DPF3: variants seen among roughly 807,000 people sequenced by gnomAD.
DPF3 encodes double PHD fingers 3.
A neutral mutation model predicts 56.8 loss-of-function variants in DPF3; 18 were observed. The ratio of observed to expected loss-of-function variants is 0.32; its 90% confidence interval spans 0.22 to 0.47. DPF3 has a LOEUF of 0.47. Ranked by LOEUF, DPF3 falls within the 20% of genes least tolerant of loss-of-function variation. The pLI is 1.00. For synonymous variants in DPF3, 188 were observed against 180.2 expected, an observed-to-expected ratio of 1.04 and a Z score of -0.35; for missense variants, 403 against 488.8, an observed-to-expected ratio of 0.82 and a Z score of 1.65.
At chr14:72,651,418 C>T (rs982715999) in intron 8 of DPF3, among the ~76,000 whole-genome samples, 2 of 152,186 alleles carry the variant, frequency 1.3e-5, no homozygotes, top group Non-Finnish European at 2.9e-5. Flanking sequence ...TTCCCAGCCT[C>T]TTAGGAGGGA....
chr14:72,716,198 G>A (rs1374858291), intron 5 of DPF3, among the ~76,000 whole-genome samples: 1 of 152,064 alleles, frequency 6.6e-6, no homozygotes, highest in African/African-American at 2.4e-5. Context: ...GGATGTACGA[G>A]GGCTTCTGGG....
At chr14:72,685,069 T>C (rs997401096) in intron 7 of DPF3, among the ~76,000 whole-genome samples, 1 of 152,230 alleles carries the variant, frequency 6.6e-6, no homozygotes, top group Non-Finnish European at 1.5e-5. Flanking sequence ...TCCAGAATTG[T>C]GAGAAATAAA....
intron 1 of DPF3, among the ~76,000 whole-genome samples, chr14:72,794,634 C>G (rs1018561068): frequency 2.0e-5 from 3 of 152,192 alleles, no homozygotes; most frequent in East Asian, 3.9e-4. Context: ...GGAGGAGGAG[C>G]CTTAGCAGGT....
chr14:72,858,790 T>C (rs1885269122), intron 1 of DPF3, among the ~76,000 whole-genome samples: 1 of 152,228 alleles, frequency 6.6e-6, no homozygotes, highest in South Asian at 2.1e-4. Context: ...GACATTTGCA[T>C]GGAGAGGTAT....
At chr14:72,741,010 G>C (rs1034069342) in intron 3 of DPF3, among the ~76,000 whole-genome samples, 5 of 152,078 alleles carry the variant, frequency 3.3e-5, no homozygotes, top group Non-Finnish European at 7.4e-5. Flanking sequence ...TTCAAATATA[G>C]CCTAAGGAAC....
chr14:72,727,577 A>C (rs531687248), intron 4 of DPF3, among the ~76,000 whole-genome samples: 1 of 145,776 alleles, frequency 6.9e-6, no homozygotes, highest in Non-Finnish European at 1.5e-5. Flanking sequence ...CTCCATCTCA[A>C]AAAAAAAAAA....
intron 7 of DPF3, among the ~76,000 whole-genome samples, chr14:72,692,175 C>T (rs1366852997): frequency 1.3e-5 from 2 of 152,222 alleles, no homozygotes; most frequent in East Asian, 1.9e-4. Flanking sequence ...ATCCCTTTCA[C>T]TGCATTGAGT....
chr14:72,787,666 C>T (rs1055220507), intron 1 of DPF3, among the ~76,000 whole-genome samples: 1 of 152,164 alleles, frequency 6.6e-6, no homozygotes, highest in Non-Finnish European at 1.5e-5. Context: ...TCAAAAGCGC[C>T]CTTGCTTGGC....
Position 72,612,701 on chromosome 14 carries a change from T to A in DPF3, c.*6596A>T. On this transcript the variant is annotated 3_prime_UTR_variant, in exon 11 of 11. Coordinates refer to ENST00000556509, the MANE Select transcript of DPF3 (RefSeq NM_001280542.3). ...AACCCCATTCTAGCCATAAAAGCTT[T>A]GCATCCCTTTGATAGCAGAATTGAG... The A allele has an allele frequency of 2.1e-6, 1 of 471,564 alleles. No individual in the cohort carries two copies. The highest frequency in any genetic ancestry group is 4.3e-6 in the Non-Finnish European group (1 of 233,758). The allele number at this position is 471,564 out of a possible 1,614,324, so 29.2% of individuals were successfully genotyped here. A position where few individuals can be genotyped will look rare whatever the true frequency, so the allele number is the denominator to read the frequency against.
chr14:72,802,993 C>T (rs1892947291), intron 1 of DPF3, among the ~76,000 whole-genome samples: 1 of 152,224 alleles, frequency 6.6e-6, no homozygotes, highest in Admixed American at 6.5e-5. Context: ...CACCTGTGCC[C>T]ACCTCTCCAC....
rs1883842225 is a variant in DPF3, at chr14:72,612,998, G to A, written c.*6299C>T. 2.1e-5 allele frequency among the ~76,000 whole-genome samples: 1 copy of A among 47,768 alleles called. No homozygotes were observed. The highest frequency in any genetic ancestry group is 4.7e-5 in the Non-Finnish European group (1 of 21,288). 31.3% of individuals were successfully genotyped at this position (47,768 alleles called of 152,430 possible). On this transcript the variant is annotated 3_prime_UTR_variant, in exon 11 of 11. Transcript: ENST00000556509. ...CTTTGGTTCATTAAGTAGGGCGTGT[G>A]TGTGTGTGTGTGTGTGTGTGTGTGT...
chr14:72,672,912 G>T (rs1026108763), intron 8 of DPF3, among the ~76,000 whole-genome samples: 3 of 151,672 alleles, frequency 2.0e-5, no homozygotes, highest in Non-Finnish European at 4.4e-5. Context: ...AATTTCATCT[G>T]TTTTTTTTAA....
At chr14:72,690,650 G>GAC (rs1454156431) in intron 7 of DPF3, among the ~76,000 whole-genome samples, 2 of 151,280 alleles carry the variant, frequency 1.3e-5, no homozygotes, top group South Asian at 2.1e-4. Context: ...CACACGCATA[G>GAC]ACACACACAC....
rs1422525088 is a variant in DPF3, at chr14:72,859,478, C to T, written c.32+34579G>A. Among the ~76,000 whole-genome samples, 29 of 109,182 alleles carry T rather than the reference C, an allele frequency of 2.7e-4. 1 individual carries two copies. The highest frequency in any genetic ancestry group is 1.3e-3 in the South Asian group (3 of 2,354). 71.6% of individuals were successfully genotyped at this position (109,182 alleles called of 152,430 possible). On this transcript the variant is annotated intron_variant, in intron 1 of 10. Coordinates refer to ENST00000556509, the MANE Select transcript of DPF3 (RefSeq NM_001280542.3). ...GTTCTCTGCAGCTTCCTCCCCCCCC[C>T]CCCCCACACCATTCCCCCCTAACCT...
intron 4 of DPF3, among the ~76,000 whole-genome samples, chr14:72,725,320 A>G (rs916423508): frequency 6.6e-6 from 1 of 152,144 alleles, no homozygotes; most frequent in Non-Finnish European, 1.5e-5. Flanking sequence ...AGAGGGTGTT[A>G]GGAGGGAGTT....
intron 1 of DPF3, among the ~76,000 whole-genome samples, chr14:72,866,540 C>T (rs573308934): frequency 6.6e-6 from 1 of 150,660 alleles, no homozygotes; most frequent in East Asian, 1.9e-4. Context: ...TTGGGCAACT[C>T]CTTGGAGTTT....
At chr14:72,786,467 G>T (rs539400957) in intron 1 of DPF3, among the ~76,000 whole-genome samples, 11 of 152,284 alleles carry the variant, frequency 7.2e-5, no homozygotes, top group African/African-American at 2.6e-4. Context: ...TTTATGGGAG[G>T]CAAGCCATGC....
intron 8 of DPF3, chr14:72,662,038 T>G (rs1599335017): frequency 4.4e-5 from 43 of 984,528 alleles, no homozygotes; most frequent in Non-Finnish European, 4.5e-5. Context: ...TTGCCTGGGG[T>G]GAGGGGGCAA....
rs1321181840 is a variant in DPF3, at chr14:72,693,912, C to T, written c.605-699G>A. 2.6e-5 allele frequency among the ~76,000 whole-genome samples: 4 copies of T among 152,258 alleles called. 1 individual carries two copies. The highest frequency in any genetic ancestry group is 4.1e-4 in the South Asian group (2 of 4,832). The stretch of plus-strand genomic sequence containing the variant: ...ACACATGCTGCACTTCTACCATGAA[C>T]GCCATGGAGTTAAAGCATCCTTGGT... On this transcript the variant is annotated intron_variant, in intron 6 of 10. Coordinates refer to ENST00000556509, the MANE Select transcript of DPF3 (RefSeq NM_001280542.3).
Sources: allele counts gnomAD v4.1 joint callset (sites outside exome capture counted in the v4.1 genomes callset), GRCh38; gene constraint gnomAD v4.1.1; transcripts MANE v1.5; gene names NCBI Gene and HGNC (gene_info 2026-07-23, HGNC 2026-07-21).